Variants in ANK3 observed in about 807,000 individuals in gnomAD.
ANK3 encodes the protein ankyrin 3.
In ANK3, 57 loss-of-function variants were observed where a neutral mutation model predicts 370.9. That is an observed-to-expected ratio of 0.15 (90% CI 0.12 to 0.19). The LOEUF is 0.19. Among genes scored for constraint, ANK3 ranks in the 10% least tolerant of loss-of-function variants. The pLI is 1.00. For missense variants in ANK3, 4,439 were observed against 5,302.1 expected (o/e 0.84, Z 5.06); for synonymous variants, 1,929 against 1,946.3 (o/e 0.99, Z 0.23).
intron 1 of ANK3, among the ~76,000 whole-genome samples, chr10:60,699,970 G>T (rs541895992): frequency 6.6e-6 from 1 of 152,082 alleles, no homozygotes; most frequent in African/African-American, 2.4e-5. Context: ...TCTTTTAGGG[G>T]ATGTAAAGAT....
chr10:60,614,560 G>A (rs1304990091), intron 2 of ANK3, among the ~76,000 whole-genome samples: 1 of 152,212 alleles, frequency 6.6e-6, no homozygotes, highest in Non-Finnish European at 1.5e-5. Context: ...ACTCCAGGAA[G>A]ATGAGAGGCC....
chr10:60,276,169 A>G (rs7920124), intron 4 of ANK3, among the ~76,000 whole-genome samples: 7,682 of 152,222 alleles, frequency 0.05, 658 homozygotes, highest in African/African-American at 0.17. Context: ...ATATTGCCCA[A>G]TGTCATTTTT....
At chr10:60,368,621 T>A (rs2059709277) in intron 1 of ANK3, among the ~76,000 whole-genome samples, 2 of 152,112 alleles carry the variant, frequency 1.3e-5, no homozygotes, top group African/African-American at 4.8e-5. Context: ...TAGAGCCAAA[T>A]GAAAACAAGA....
At chr10:60,240,306 A>ATTTTT (rs1555186003) in intron 7 of ANK3, among the ~76,000 whole-genome samples, 1,805 of 119,704 alleles carry the variant, frequency 0.015, 96 homozygotes, top group East Asian at 0.07. Flanking sequence ...ATATATATAT[A>ATTTTT]TTTTTTTTTC....
At chr10:60,445,869 G>C (rs2064432863) in intron 2 of ANK3, among the ~76,000 whole-genome samples, 1 of 152,154 alleles carries the variant, frequency 6.6e-6, no homozygotes, top group African/African-American at 2.4e-5. Context: ...AGTAGACAAA[G>C]GCTTTCTCAG....
chr10:60,065,111 C>A (rs149831037), intron 38 of ANK3, among the ~76,000 whole-genome samples: 3 of 152,240 alleles, frequency 2.0e-5, no homozygotes, highest in African/African-American at 7.2e-5. Context: ...TATGATGACT[C>A]CAGGCCAGAT....
chr10:60,395,503 G>A (rs560944914), intron 2 of ANK3, among the ~76,000 whole-genome samples: 2 of 152,018 alleles, frequency 1.3e-5, no homozygotes, highest in African/African-American at 2.4e-5. Context: ...CTGAAGGCAG[G>A]TGTTTCATCA....
intron 2 of ANK3, among the ~76,000 whole-genome samples, chr10:60,412,633 A>C (rs2063583130): frequency 6.6e-6 from 1 of 152,182 alleles, no homozygotes; most frequent in Non-Finnish European, 1.5e-5. Flanking sequence ...GAGTGTTAAA[A>C]AATCTCACTG....
intron 1 of ANK3, among the ~76,000 whole-genome samples, chr10:60,649,639 A>C (rs2078760682): frequency 6.6e-6 from 1 of 152,230 alleles, no homozygotes; most frequent in Non-Finnish European, 1.5e-5. Flanking sequence ...AGAGCCTTTT[A>C]AACTACAATC....
At chr10:60,424,360 T>C (rs1483808959) in intron 2 of ANK3, among the ~76,000 whole-genome samples, 2 of 151,970 alleles carry the variant, frequency 1.3e-5, no homozygotes, top group Non-Finnish European at 2.9e-5. Flanking sequence ...GGGAAAAAAA[T>C]ACCAATCAAG....
chr10:60,665,718 T>C (rs554326411), intron 1 of ANK3, among the ~76,000 whole-genome samples: 3 of 152,352 alleles, frequency 2.0e-5, no homozygotes, highest in African/African-American at 7.2e-5. Context: ...AATCCCAGCG[T>C]AATTTCTGCC....
intron 25 of ANK3, among the ~76,000 whole-genome samples, chr10:60,132,737 C>T (rs1158816632): frequency 6.6e-6 from 1 of 152,022 alleles, no homozygotes; most frequent in Non-Finnish European, 1.5e-5. Context: ...CTGCCTCAGC[C>T]TCCCGAGTAG....
At chr10:60,604,218 C>T (rs764739769) in intron 2 of ANK3, among the ~76,000 whole-genome samples, 3 of 152,108 alleles carry the variant, frequency 2.0e-5, no homozygotes, top group Non-Finnish European at 4.4e-5. Flanking sequence ...GAATGCAAAG[C>T]TACATGTATG....
At chr10:60,526,154 TAACA>T (rs2076465290) in intron 2 of ANK3, among the ~76,000 whole-genome samples, 8 of 152,106 alleles carry the variant, frequency 5.3e-5, no homozygotes, top group Non-Finnish European at 1.2e-4. Flanking sequence ...TTCCCTTAGT[TAACA>T]GAGTCCTCTC....
At chr10:60,619,308 G>A (rs2078305292) in intron 1 of ANK3, among the ~76,000 whole-genome samples, 1 of 151,956 alleles carries the variant, frequency 6.6e-6, no homozygotes, top group Non-Finnish European at 1.5e-5. Context: ...CCAAGACCCT[G>A]TTCCTCCCTA....
chr10:60,253,785 T>C (rs1433699239), intron 7 of ANK3, among the ~76,000 whole-genome samples: 1 of 152,068 alleles, frequency 6.6e-6, no homozygotes, highest in Non-Finnish European at 1.5e-5. Flanking sequence ...AGAAAAGAAG[T>C]CTTTGTCTTT....
intron 1 of ANK3, among the ~76,000 whole-genome samples, chr10:60,627,658 A>T (rs1009316861): frequency 1.3e-5 from 2 of 152,154 alleles, no homozygotes; most frequent in African/African-American, 4.8e-5. Context: ...TTTGACATGA[A>T]TTAATCTTTT....
At chr10:60,284,851 C>G (rs192944279) in intron 1 of ANK3, among the ~76,000 whole-genome samples, 16 of 152,164 alleles carry the variant, frequency 1.1e-4, no homozygotes, top group African/African-American at 3.4e-4. Context: ...AAAAAAATCT[C>G]TAATCTTTCC....
chr10:60,168,696 C>T (rs1360504244), intron 21 of ANK3, among the ~76,000 whole-genome samples: 1 of 152,132 alleles, frequency 6.6e-6, no homozygotes, highest in Non-Finnish European at 1.5e-5. Flanking sequence ...TCCTGATGTT[C>T]TCCCTCCCCA....
Sources: gnomAD v4.1 joint callset for allele counts (sites outside exome capture counted in the v4.1 genomes callset) on GRCh38, gnomAD v4.1.1 for gene constraint, MANE v1.5 for transcripts, NCBI Gene and HGNC (gene_info 2026-07-23, HGNC 2026-07-21) for gene names.